UBE2D3: variants seen among roughly 807,000 people sequenced by gnomAD.
UBE2D3 encodes the protein ubiquitin-conjugating enzyme E2 D3.
In UBE2D3, 2 loss-of-function variants were observed where a neutral mutation model predicts 22.8. That is an observed-to-expected ratio of 0.09 (90% CI 0.04 to 0.28). The LOEUF is 0.28. Among genes scored for constraint, UBE2D3 ranks in the 10% least tolerant of loss-of-function variants. The probability of loss-of-function intolerance (pLI) is 1.00; values close to 1 mark genes in which losing one functional copy is unlikely to be tolerated. For missense variants in UBE2D3, 27 were observed against 182.5 expected (o/e 0.15, Z 4.91); for synonymous variants, 56 against 60.4 (o/e 0.93, Z 0.34).
chr4:102,827,166 G>A, intron 1 of UBE2D3: 2 of 986,866 alleles, frequency 2.0e-6, no homozygotes, highest in Non-Finnish European at 2.4e-6. Context: ...GCCTTCCAGC[G>A]CGCTCCCGCG....
intron 2 of UBE2D3, chr4:102,811,441 G>A (rs1184881851): frequency 6.3e-6 from 1 of 159,710 alleles, no homozygotes; most frequent in African/African-American, 2.4e-5. Context: ...CAGCACTTTG[G>A]GAGGCTGAGA....
At chr4:102,852,176 T>C (rs1045527430) in intron 1 of UBE2D3, among the ~76,000 whole-genome samples, 4 of 152,224 alleles carry the variant, frequency 2.6e-5, no homozygotes, top group Admixed American at 2.6e-4. Flanking sequence ...GAGCTGGAAC[T>C]ACCACCTTAG....
chr4:102,858,747 T>C (rs1732742116), intron 1 of UBE2D3, among the ~76,000 whole-genome samples: 2 of 151,950 alleles, frequency 1.3e-5, no homozygotes, highest in African/African-American at 2.4e-5. Flanking sequence ...AGTTTGGGGA[T>C]ACATTCTAAT....
intron 2 of UBE2D3, chr4:102,812,785 T>C (rs1265851945): frequency 6.6e-6 from 1 of 152,228 alleles, no homozygotes; most frequent in Non-Finnish European, 1.5e-5. Context: ...AAAGTGTTTT[T>C]GTCTTATTAA....
chr4:102,799,266 A>G, intron 7 of UBE2D3, 141 bp downstream of exon 7: 1 of 724,616 alleles, frequency 1.4e-6, no homozygotes, highest in Non-Finnish European at 2.3e-6. Context: ...GTTTTTTTAA[A>G]TAACCACATT....
chr4:102,818,739 G>A (rs558646056), intron 2 of UBE2D3, among the ~76,000 whole-genome samples: 2 of 150,852 alleles, frequency 1.3e-5, no homozygotes, highest in African/African-American at 2.4e-5. Context: ...AAGCAGTAAT[G>A]GGTTTGGTCA....
intron 2 of UBE2D3, chr4:102,812,591 C>G (rs1728205524): frequency 6.6e-6 from 1 of 152,176 alleles, no homozygotes; most frequent in African/African-American, 2.4e-5. Flanking sequence ...AACTGAGGAA[C>G]TGAACAAATC....
chr4:102,867,422 G>A (rs749779293), intron 1 of UBE2D3, among the ~76,000 whole-genome samples: 1 of 152,118 alleles, frequency 6.6e-6, no homozygotes, highest in African/African-American at 2.4e-5. Flanking sequence ...TAAATAATGA[G>A]GCATATTATT....
intron 1 of UBE2D3, among the ~76,000 whole-genome samples, chr4:102,851,594 A>C (rs1237075038): frequency 6.6e-6 from 1 of 152,040 alleles, no homozygotes; most frequent in Non-Finnish European, 1.5e-5. Flanking sequence ...AGAGAATACA[A>C]TTATTTCCCA....
chr4:102,830,215 T>C (rs1053849046), upstream of UBE2D3, among the ~76,000 whole-genome samples: 1 of 152,024 alleles, frequency 6.6e-6, no homozygotes, highest in Non-Finnish European at 1.5e-5. Flanking sequence ...CATGTACCTG[T>C]TGTTACAGAG....
chr4:102,850,139 T>C (rs1553967124), intron 1 of UBE2D3, among the ~76,000 whole-genome samples: 2 of 152,126 alleles, frequency 1.3e-5, no homozygotes, highest in Non-Finnish European at 2.9e-5. Context: ...TTTTCAGAAA[T>C]ATAATGGTGA....
chr4:102,825,445 A>G, intron 2 of UBE2D3: 1 of 1,139,166 alleles, frequency 8.8e-7, no homozygotes, highest in Non-Finnish European at 1.1e-6. Flanking sequence ...ACGCGATATA[A>G]AAGTTAACAT....
chr4:102,832,723 A>G (rs943762770), intron 1 of UBE2D3, among the ~76,000 whole-genome samples: 4 of 152,202 alleles, frequency 2.6e-5, no homozygotes, highest in African/African-American at 4.8e-5. Context: ...TTACAATAAA[A>G]TCAAGCCAGG....
chr4:102,867,021 C>T (rs1329680629), intron 1 of UBE2D3, among the ~76,000 whole-genome samples: 2 of 152,220 alleles, frequency 1.3e-5, no homozygotes, highest in African/African-American at 2.4e-5. Context: ...TCCCATCAAC[C>T]TTTTAAACAT....
At position 102,796,216 on chromosome 4, in the gene UBE2D3, A is replaced by T. The variant is rs1482139088; in HGVS notation, c.*1199T>A. 1 of 152,334 alleles carries T rather than the reference A, an allele frequency of 6.6e-6. No homozygotes were observed. Among genetic ancestry groups the T allele is most frequent in the African/African-American group, 2.4e-5 (1 of 41,390 alleles). 9.4% of individuals were successfully genotyped at this position (152,334 alleles called of 1,614,324 possible). A position where few individuals can be genotyped will look rare whatever the true frequency, so the allele number is the denominator to read the frequency against. ...GTTTTTTTTCAGCTGTCAAGTGTACAAGGTGAAGAGAAATTTCAGTTAGAC... is the reference window on the plus strand; with the variant it reads ...GTTTTTTTTCAGCTGTCAAGTGTACTAGGTGAAGAGAAATTTCAGTTAGAC... On this transcript the variant is annotated 3_prime_UTR_variant, in exon 8 of 8. Transcript: ENST00000453744.
intron 2 of UBE2D3, among the ~76,000 whole-genome samples, chr4:102,817,578 C>T (rs1728953031): frequency 6.6e-6 from 1 of 152,130 alleles, no homozygotes; most frequent in South Asian, 2.1e-4. Context: ...AACAGGGTGT[C>T]CTTGCAAAGA....
intron 2 of UBE2D3, among the ~76,000 whole-genome samples, chr4:102,816,071 G>T (rs917835728): frequency 6.6e-6 from 1 of 152,210 alleles, no homozygotes; most frequent in South Asian, 2.1e-4. Context: ...TGAGAAAAGA[G>T]TAAGTCATAG....
At chr4:102,803,991 G>A (rs1428718140) in intron 4 of UBE2D3, among the ~76,000 whole-genome samples, 2 of 151,922 alleles carry the variant, frequency 1.3e-5, no homozygotes, top group Non-Finnish European at 2.9e-5. Context: ...CTAGTCTTGC[G>A]GCCTCCTGAC....
At chr4:102,839,795 A>C (rs993588175) in intron 1 of UBE2D3, among the ~76,000 whole-genome samples, 5 of 152,242 alleles carry the variant, frequency 3.3e-5, no homozygotes, top group African/African-American at 9.6e-5. Flanking sequence ...AAAATAGCCA[A>C]ATTGGACTAT....
Sources: gnomAD v4.1 joint callset for allele counts (sites outside exome capture counted in the v4.1 genomes callset) on GRCh38, gnomAD v4.1.1 for gene constraint, MANE v1.5 for transcripts, NCBI Gene and HGNC (gene_info 2026-07-23, HGNC 2026-07-21) for gene names.